The following RHOA variants were observed in gnomAD, a reference collection of about 807,000 sequenced individuals.
The protein encoded by RHOA is ras homolog family member A.
In RHOA, 3 loss-of-function variants were observed where a neutral mutation model predicts 17.5. That is an observed-to-expected ratio of 0.17 (90% CI 0.08 to 0.44). The LOEUF is 0.44. Among genes scored for constraint, RHOA ranks in the 20% least tolerant of loss-of-function variants. RHOA has a pLI of 0.99. For missense variants in RHOA, 56 were observed against 242.3 expected (o/e 0.23, Z 5.10); for synonymous variants, 98 against 88.4 (o/e 1.11, Z -0.61).
chr3:49,397,057 G>T (rs974332415), intron 1 of RHOA, among the ~76,000 whole-genome samples: 1 of 150,392 alleles, frequency 6.6e-6, no homozygotes. Flanking sequence ...TTGGGCCCAG[G>T]AGGGCAAAGT....
At chr3:49,407,938 G>T (rs1168278177) in intron 1 of RHOA, among the ~76,000 whole-genome samples, 1 of 152,084 alleles carries the variant, frequency 6.6e-6, no homozygotes, top group African/African-American at 2.4e-5. Flanking sequence ...AAGGGGGGCA[G>T]ATCACAAGGC....
chr3:49,393,676 CTGTG>C lies in RHOA; in HGVS notation c.-2-18089_-2-18086del, dbSNP rs71080504. Among the ~76,000 whole-genome samples the C allele has an allele frequency of 8.2e-3, 85 of 10,352 alleles. 1 individual carries two copies. The highest frequency in any genetic ancestry group is 0.02 in the African/African-American group (84 of 4,224). The allele number at this position is 10,352 out of a possible 152,430, so 6.8% of individuals were successfully genotyped here. On this transcript the variant is annotated intron_variant, in intron 1 of 4. Coordinates refer to ENST00000418115, the MANE Select transcript of RHOA (RefSeq NM_001664.4). Reference sequence around the variant, plus strand: ...AGGTCCCTTGTCTCAAATTCTCTCTCTGTGTGTGTGTGTGTGTGTGTGTGTGTGT... The same window carrying C: ...AGGTCCCTTGTCTCAAATTCTCTCTCTGTGTGTGTGTGTGTGTGTGTGTGT...
chr3:49,386,470 G>A (rs964963319), intron 1 of RHOA, among the ~76,000 whole-genome samples: 3 of 152,176 alleles, frequency 2.0e-5, no homozygotes, highest in Non-Finnish European at 4.4e-5. Context: ...ACTGAGTATG[G>A]AAAGGCTAAT....
intron 1 of RHOA, among the ~76,000 whole-genome samples, chr3:49,403,971 G>A (rs1278308851): frequency 6.7e-6 from 1 of 149,920 alleles, no homozygotes; most frequent in Admixed American, 6.7e-5. Flanking sequence ...CACCACCCCC[G>A]AAAAAAGGTA....
chr3:49,399,695 C>T (rs1185512366), intron 1 of RHOA, among the ~76,000 whole-genome samples: 2 of 151,836 alleles, frequency 1.3e-5, no homozygotes, highest in Admixed American at 6.6e-5. Context: ...CCCTCAGCTG[C>T]CCCAAGTGCT....
intron 1 of RHOA, among the ~76,000 whole-genome samples, chr3:49,407,616 A>C (rs759063606): frequency 1.1e-4 from 16 of 152,034 alleles, no homozygotes; most frequent in Non-Finnish European, 2.1e-4. Flanking sequence ...TCCTACTCAC[A>C]GTGATTCTAG....
At chr3:49,402,301 T>G (rs2048738730) in intron 1 of RHOA, among the ~76,000 whole-genome samples, 2 of 152,066 alleles carry the variant, frequency 1.3e-5, no homozygotes, top group South Asian at 4.1e-4. Context: ...AAATGAACCA[T>G]TAGGTACCTC....
Position 49,401,513 on chromosome 3 carries a change from G to A in RHOA, c.-3+10307C>T, listed in dbSNP as rs1440182827. ...GCAAAGGTTGCAGTGAGTGGAGATC[G>A]GGCCACTGCACTCCAGCCTGGGCGA... is the stretch of plus-strand genomic sequence containing the variant. On this transcript the variant is annotated intron_variant, in intron 1 of 4. Coordinates refer to ENST00000418115, the MANE Select transcript of RHOA (RefSeq NM_001664.4). Among the ~76,000 whole-genome samples, 4 of 150,372 alleles carry A rather than the reference G, an allele frequency of 2.7e-5. No individual in the cohort carries two copies. In the East Asian group the frequency reaches 5.8e-4, roughly 22 times the overall value.
At chr3:49,374,039 A>C (rs2048186227) in intron 2 of RHOA, among the ~76,000 whole-genome samples, 1 of 152,148 alleles carries the variant, frequency 6.6e-6, no homozygotes, top group South Asian at 2.1e-4. Flanking sequence ...GTGGCAGGCT[A>C]TTTTATGTTA....
At chr3:49,362,268 A>C (rs544757665) in intron 4 of RHOA, among the ~76,000 whole-genome samples, 2 of 152,304 alleles carry the variant, frequency 1.3e-5, no homozygotes, top group South Asian at 4.1e-4. Flanking sequence ...AGCAGTCCTT[A>C]TGGGCATAGC....
intron 1 of RHOA, among the ~76,000 whole-genome samples, chr3:49,376,684 A>C (rs576167482): frequency 6.6e-6 from 1 of 151,160 alleles, no homozygotes; most frequent in Non-Finnish European, 1.5e-5. Context: ...TTTGTCAAGC[A>C]GGGTAAAAAC....
chr3:49,408,356 T>G (rs1402679004), intron 1 of RHOA, among the ~76,000 whole-genome samples: 1 of 151,618 alleles, frequency 6.6e-6, no homozygotes, highest in Non-Finnish European at 1.5e-5. Context: ...AAAAATAAAA[T>G]CAAGCTAAGT....
chr3:49,394,069 A>G (rs1239454098), intron 1 of RHOA, among the ~76,000 whole-genome samples: 1 of 151,730 alleles, frequency 6.6e-6, no homozygotes, highest in Non-Finnish European at 1.5e-5. Flanking sequence ...ACAGGGTTTC[A>G]CCGTGTTAGC....
Position 49,390,227 on chromosome 3 carries a change from C to G in RHOA, c.-2-14636G>C, listed in dbSNP as rs185969007. 2.5e-3 allele frequency among the ~76,000 whole-genome samples: 384 copies of G among 152,036 alleles called. 6 individuals are homozygous for G. The highest frequency in any genetic ancestry group is 8.7e-3 in the African/African-American group (362 of 41,520). On this transcript the variant is annotated intron_variant, in intron 1 of 4. Coordinates refer to ENST00000418115, the MANE Select transcript of RHOA (RefSeq NM_001664.4). ...TCAGCTCACTGCAGCCTCCACCTCC[C>G]GGGTTCAAGCGATTCTTGTGTCCCA...
chr3:49,407,062 G>T (rs549666475), intron 1 of RHOA, among the ~76,000 whole-genome samples: 1 of 151,908 alleles, frequency 6.6e-6, no homozygotes, highest in Admixed American at 6.6e-5. Context: ...CACGAGAATC[G>T]CTTGAACCTG....
At chr3:49,374,925 C>T (rs2048202261) in intron 2 of RHOA, among the ~76,000 whole-genome samples, 1 of 151,998 alleles carries the variant, frequency 6.6e-6, no homozygotes, top group African/African-American at 2.4e-5. Context: ...GGTGTGGTGG[C>T]ATATTCCCGT....
At chr3:49,408,070 G>A (rs1191354697) in intron 1 of RHOA, among the ~76,000 whole-genome samples, 1 of 151,924 alleles carries the variant, frequency 6.6e-6, no homozygotes, top group Non-Finnish European at 1.5e-5. Flanking sequence ...CGAGGCACAA[G>A]AATCACTTGA....
chr3:49,399,404 G>A (rs1291080015), intron 1 of RHOA, among the ~76,000 whole-genome samples: 2 of 151,710 alleles, frequency 1.3e-5, no homozygotes, highest in Non-Finnish European at 2.9e-5. Context: ...AATGATCTCT[G>A]AGACAAGATT....
intron 3 of RHOA, among the ~76,000 whole-genome samples, chr3:49,364,677 TAAATAAATAA>T (rs2048026486): frequency 6.6e-6 from 1 of 151,002 alleles, no homozygotes; most frequent in African/African-American, 2.4e-5. Flanking sequence ...AATAAATAAA[TAAATAAATAA>T]AAATAAATAG....
Sources: gnomAD v4.1 joint callset for allele counts (sites outside exome capture counted in the v4.1 genomes callset) on GRCh38, gnomAD v4.1.1 for gene constraint, MANE v1.5 for transcripts, NCBI Gene and HGNC (gene_info 2026-07-23, HGNC 2026-07-21) for gene names.